TXNDC16: variants seen among roughly 807,000 people sequenced by gnomAD.
TXNDC16 encodes thioredoxin domain-containing protein 16.
In TXNDC16, 74 loss-of-function variants were observed where a neutral mutation model predicts 85.6. The ratio of observed to expected loss-of-function variants is 0.86; its 90% CI spans 0.72 to 1.05. TXNDC16 has a LOEUF of 1.05. Ranked by LOEUF, TXNDC16 falls within the 50% of genes least tolerant of loss-of-function variation. The pLI is 0.00. For missense variants in TXNDC16, 959 were observed against 947.0 expected (o/e 1.01, Z -0.17); for synonymous variants, 335 against 326.5 (o/e 1.03, Z -0.28).
chr14:52,491,088 A>G (rs2036393697), intron 9 of TXNDC16, 83 bp from the exon 10 acceptor site: 1 of 1,431,638 alleles, frequency 7.0e-7, no homozygotes, highest in Non-Finnish European at 9.3e-7. Flanking sequence ...CTTATTAATA[A>G]AGTCATGAGT....
chr14:52,517,320 G>A (rs1177016518), intron 7 of TXNDC16, among the ~76,000 whole-genome samples: 1 of 152,116 alleles, frequency 6.6e-6, no homozygotes, highest in Non-Finnish European at 1.5e-5. Flanking sequence ...GCTGGGGAGA[G>A]GGGGAGGGAA....
intron 9 of TXNDC16, among the ~76,000 whole-genome samples, chr14:52,508,125 G>C (rs1433585069): frequency 6.6e-6 from 1 of 152,114 alleles, no homozygotes; most frequent in Non-Finnish European, 1.5e-5. Context: ...AGAGTGAACA[G>C]GCAACCTACA....
intron 17 of TXNDC16, among the ~76,000 whole-genome samples, chr14:52,456,311 G>A (rs1471716640): frequency 6.6e-6 from 1 of 152,128 alleles, no homozygotes; most frequent in Non-Finnish European, 1.5e-5. Flanking sequence ...GACGCACAAT[G>A]ACAGCAGAGT....
intron 18 of TXNDC16, 43 bp from the exon 19 acceptor site, chr14:52,440,767 G>C: frequency 6.4e-7 from 1 of 1,555,112 alleles, no homozygotes; most frequent in Non-Finnish European, 8.8e-7. Context: ...ATGCATTGGG[G>C]ATGATAATGC....
intron 19 of TXNDC16, among the ~76,000 whole-genome samples, chr14:52,439,990 C>T (rs923651322): frequency 1.1e-4 from 17 of 152,206 alleles, no homozygotes; most frequent in African/African-American, 3.9e-4. Flanking sequence ...AAAATGTTGC[C>T]TCAAGCAGTA....
At chr14:52,437,470 T>C (rs549447785) in intron 20 of TXNDC16, among the ~76,000 whole-genome samples, 12 of 152,234 alleles carry the variant, frequency 7.9e-5, no homozygotes, top group African/African-American at 2.9e-4. Context: ...AAAAACATTA[T>C]AGAAACTCTC....
intron 9 of TXNDC16, among the ~76,000 whole-genome samples, chr14:52,510,463 C>T (rs1289615723): frequency 6.6e-6 from 1 of 152,132 alleles, no homozygotes; most frequent in African/African-American, 2.4e-5. Flanking sequence ...TAAAGTAGTA[C>T]ATACAATATG....
rs2035886056 is a variant in TXNDC16 at position 52,470,636 on chromosome 14, A to G, written c.1357T>C (p.Ser453Pro). The G allele has an allele frequency of 2.5e-6, 4 of 1,613,262 alleles. No homozygotes were observed. The highest frequency in any genetic ancestry group is 3.4e-6 in the Non-Finnish European group (4 of 1,179,622). ...ACATTTTGCTTAGTACATACATCAG[A>G]CCAATCTGCACAGTTTATTCTAGTA... is the stretch of plus-strand genomic sequence containing the variant. Reference protein sequence around the residue: ...LLTRINCADWSDVCTKQNVTE... With the variant: ...LLTRINCADWPDVCTKQNVTE... Residue 453 changes from serine to proline, a missense_variant, in exon 15 of 21, where the codon TCT becomes CCT. Transcript: ENST00000281741.
intron 18 of TXNDC16, among the ~76,000 whole-genome samples, chr14:52,454,166 C>T (rs1394615759): frequency 6.6e-6 from 1 of 152,148 alleles, no homozygotes; most frequent in Non-Finnish European, 1.5e-5. Flanking sequence ...GTGGCTCATG[C>T]TGTAATCTCA....
intron 5 of TXNDC16, among the ~76,000 whole-genome samples, chr14:52,537,124 G>A (rs1221789210): frequency 6.6e-6 from 1 of 151,374 alleles, no homozygotes; most frequent in Non-Finnish European, 1.5e-5. Context: ...TGGGAAGAAG[G>A]CAAGAAGGAA....
intron 8 of TXNDC16, 54 bp downstream of exon 8, chr14:52,514,826 G>C: frequency 7.5e-7 from 1 of 1,334,650 alleles, no homozygotes; most frequent in Non-Finnish European, 1.1e-6. Context: ...TGCGAAATAA[G>C]TGAAGAAGAA....
intron 1 of TXNDC16, among the ~76,000 whole-genome samples, chr14:52,551,452 G>C (rs532137641): frequency 2.1e-4 from 31 of 145,782 alleles, no homozygotes; most frequent in Middle Eastern, 3.4e-3. Context: ...GGGCGACAGA[G>C]CGAGACCCTG....
chr14:52,494,826 C>T (rs941381701), intron 9 of TXNDC16, among the ~76,000 whole-genome samples: 1 of 152,196 alleles, frequency 6.6e-6, no homozygotes, highest in Admixed American at 6.5e-5. Flanking sequence ...AGGAATTAAG[C>T]ATGTTTTCCC....
intron 6 of TXNDC16, 100 bp downstream of exon 6, chr14:52,536,619 T>A: frequency 9.3e-7 from 1 of 1,079,700 alleles, no homozygotes. Flanking sequence ...ACAAATATAA[T>A]GTTAAAACCC....
At chr14:52,444,081 G>A (rs556538309) in intron 18 of TXNDC16, among the ~76,000 whole-genome samples, 17 of 152,224 alleles carry the variant, frequency 1.1e-4, no homozygotes, top group African/African-American at 2.9e-4. Context: ...TACAAAAGCC[G>A]GAAGAAAAGA....
chr14:52,472,927 T>G (rs534445961), intron 14 of TXNDC16, among the ~76,000 whole-genome samples: 1 of 152,330 alleles, frequency 6.6e-6, no homozygotes, highest in African/African-American at 2.4e-5. Flanking sequence ...ATGGCCGCTC[T>G]GTCTTCCCTT....
At chr14:52,459,646 C>T (rs938100655) in intron 16 of TXNDC16, among the ~76,000 whole-genome samples, 17 of 152,146 alleles carry the variant, frequency 1.1e-4, no homozygotes, top group African/African-American at 4.1e-4. Flanking sequence ...GCCAGTATTC[C>T]TGATCAACAT....
chr14:52,444,342 T>C (rs1178736490), intron 18 of TXNDC16, among the ~76,000 whole-genome samples: 2 of 152,180 alleles, frequency 1.3e-5, no homozygotes, highest in African/African-American at 4.8e-5. Context: ...CTTAAATATA[T>C]CAATGCTTAT....
intron 1 of TXNDC16, among the ~76,000 whole-genome samples, chr14:52,545,680 C>T (rs548249760): frequency 4.6e-5 from 7 of 152,068 alleles, no homozygotes; most frequent in South Asian, 2.1e-4. Flanking sequence ...GAAAATAGGA[C>T]GGTCAATGCC....
Sources: allele counts gnomAD v4.1 joint callset (sites outside exome capture counted in the v4.1 genomes callset), GRCh38; gene constraint gnomAD v4.1.1; transcripts MANE v1.5; gene names NCBI Gene and HGNC (gene_info 2026-07-23, HGNC 2026-07-21).